Variants in NMT1 observed in about 807,000 individuals in gnomAD.
The protein encoded by NMT1 is N-myristoyltransferase 1.
NMT1 carries 12 observed loss-of-function variants against 63.4 expected under a neutral mutation model. The ratio of observed to expected loss-of-function variants is 0.19; its 90% CI spans 0.12 to 0.31. The LOEUF is 0.31. NMT1 is among the 10% of genes least tolerant of loss of function. The pLI is 1.00. For synonymous variants in NMT1, 228 were observed against 234.3 expected, an observed-to-expected ratio of 0.97 and a Z score of 0.25; for missense variants, 432 against 634.6, an observed-to-expected ratio of 0.68 and a Z score of 3.43.
intron 3 of NMT1, among the ~76,000 whole-genome samples, chr17:45,089,211 C>T (rs1479780638): frequency 6.6e-6 from 1 of 151,974 alleles, no homozygotes; most frequent in Non-Finnish European, 1.5e-5. Flanking sequence ...ATTTTTTTTT[C>T]ACTTAATTGG....
At chr17:45,088,978 C>T (rs2054071715) in intron 3 of NMT1, among the ~76,000 whole-genome samples, 1 of 152,214 alleles carries the variant, frequency 6.6e-6, no homozygotes, top group African/African-American at 2.4e-5. Context: ...GCTTTGCCTT[C>T]TGTGCAGTGT....
At position 45,105,161 on chromosome 17, in the gene NMT1, C is replaced by T. The variant is rs1311965245; in HGVS notation, c.1470+165C>T. 6.6e-6 allele frequency among the ~76,000 whole-genome samples: 1 copy of T among 152,182 alleles called. No homozygotes were observed. Among genetic ancestry groups the T allele is most frequent in the Non-Finnish European group, 1.5e-5 (1 of 68,038 alleles). Reference sequence around the variant, plus strand: ...TCTGCTGGCCAGACCAGCAGGTCAGCGTTCCCCTCTCAGCAACTGGTGTGA... The same window carrying T: ...TCTGCTGGCCAGACCAGCAGGTCAGTGTTCCCCTCTCAGCAACTGGTGTGA... On this transcript the variant is annotated intron_variant, in intron 11 of 11. Transcript: ENST00000258960. The surrounding 1 kb of genome is among the most constrained non-coding windows in gnomAD (Gnocchi z 4.2).
At position 45,096,118 on chromosome 17, in the gene NMT1, C is replaced by G. The variant is rs1840533418; in HGVS notation, c.505-76C>G. 5.4e-6 allele frequency: 6 copies of G among 1,104,220 alleles called. No homozygotes were observed. The Admixed American group carries it at 1.0e-4, about 19-fold the overall frequency. 68.4% of individuals were successfully genotyped at this position (1,104,220 alleles called of 1,614,324 possible). On this transcript the variant is annotated intron_variant, in intron 4 of 11. Transcript: ENST00000258960. The stretch of plus-strand genomic sequence containing the variant: ...TAGTTTGCTTCATCCTTCTGAAAAG[C>G]CTAGAGCCCCAGGGTATTGGAGTTG...
chr17:45,061,637 T>A, intron 1 of NMT1, 177 bp downstream of exon 1: 3 of 589,472 alleles, frequency 5.1e-6, no homozygotes, highest in Non-Finnish European at 9.0e-6. Context: ...GGGTGGGTGC[T>A]CTGGATATTA....
chr17:45,072,792 G>A (rs923314246), intron 1 of NMT1, among the ~76,000 whole-genome samples: 3 of 133,712 alleles, frequency 2.2e-5, no homozygotes, highest in South Asian at 2.4e-4. Flanking sequence ...ATCTCCTGAC[G>A]TCGTGATCCA....
intron 1 of NMT1, among the ~76,000 whole-genome samples, chr17:45,062,187 C>G (rs763272218): frequency 3.3e-5 from 5 of 152,196 alleles, no homozygotes; most frequent in Non-Finnish European, 4.4e-5. Context: ...ACTGCCTATC[C>G]TGTACTTTAG....
At position 45,093,796 on chromosome 17, in the gene NMT1, G is replaced by C. The variant is rs748432196; in HGVS notation, c.497G>C (p.Arg166Pro). The C allele has an allele frequency of 7.4e-6, 12 of 1,613,848 alleles. No homozygotes were observed. Among genetic ancestry groups the C allele is most frequent in the Non-Finnish European group, 9.3e-6 (11 of 1,179,704 alleles). The change falls in exon 4 of 12, where the codon CGT (arginine) becomes CCT (proline). Residue 166 changes from arginine (R) to proline (P), a missense_variant. This residue lies in a region of NMT1 where 295 missense variants were observed against 489.7 expected (regional missense o/e 0.60). Transcript: ENST00000258960. Reference sequence around the variant, plus strand: ...TGGGATGCTTTGGACCTGGGCGATCGTGGTGTGGTGAGTGGGCCCTCAGAA... The same window carrying C: ...TGGGATGCTTTGGACCTGGGCGATCCTGGTGTGGTGAGTGGGCCCTCAGAA... ...FTWDALDLGD[R>P]GVLKELYTLL...
chr17:45,062,023 A>C (rs926029694), intron 1 of NMT1: 1 of 152,318 alleles, frequency 6.6e-6, no homozygotes, highest in Non-Finnish European at 1.5e-5. Context: ...CATAGTTTCC[A>C]TTGCTCCAAA....
chr17:45,097,013 A>G (rs1598017080), intron 5 of NMT1, 115 bp from the exon 6 acceptor site: 7 of 744,718 alleles, frequency 9.4e-6, no homozygotes, highest in East Asian at 7.4e-5. Context: ...GAATCCAGCT[A>G]TTAACCCTCA....
rs2054191936 is a variant in NMT1, at chr17:45,104,734, G to A, written c.1333-125G>A. 5 of 1,510,026 alleles carry A rather than the reference G, an allele frequency of 3.3e-6. No individual in the cohort carries two copies. In the African/African-American group the frequency reaches 4.2e-5, roughly 13 times the overall value. 93.5% of individuals were successfully genotyped at this position (1,510,026 alleles called of 1,614,324 possible). A position where few individuals can be genotyped will look rare whatever the true frequency, so the allele number is the denominator to read the frequency against. ...CGGGGATTAACGTGGAAGCAGCGGA[G>A]CTTCTGAGGGAACCTTGTTCTTGTG... On this transcript the variant is annotated intron_variant, in intron 10 of 11. Coordinates refer to ENST00000258960, the MANE Select transcript of NMT1 (RefSeq NM_021079.5). The surrounding 1 kb of genome is among the most constrained non-coding windows in gnomAD (Gnocchi z 4.2).
chr17:45,104,710 G>A lies in NMT1; in HGVS notation c.1333-149G>A, dbSNP rs554177770. 72 of 1,465,360 alleles carry A rather than the reference G, an allele frequency of 4.9e-5. No homozygotes were observed. The African/African-American group carries it at 9.2e-4, about 19-fold the overall frequency. The allele number at this position is 1,465,360 out of a possible 1,614,324, so 90.8% of individuals were successfully genotyped here. A position where few individuals can be genotyped will look rare whatever the true frequency, so the allele number is the denominator to read the frequency against. On this transcript the variant is annotated intron_variant, in intron 10 of 11. Coordinates refer to ENST00000258960, the MANE Select transcript of NMT1 (RefSeq NM_021079.5). This position sits in a 1 kb window ranked among gnomAD's most constrained non-coding sequence, Gnocchi z 4.2. The stretch of plus-strand genomic sequence containing the variant: ...GTGTCCTGAGAACCACCCGGAGAGC[G>A]GGGATTAACGTGGAAGCAGCGGAGC...
intron 6 of NMT1, 73 bp downstream of exon 6, chr17:45,097,317 G>T: frequency 8.7e-7 from 1 of 1,152,744 alleles, no homozygotes; most frequent in Non-Finnish European, 1.3e-6. Context: ...GTAGAAAAAG[G>T]CTGCACAATG....
intron 1 of NMT1, among the ~76,000 whole-genome samples, chr17:45,063,059 G>T (rs1373278055): frequency 6.6e-6 from 1 of 151,908 alleles, no homozygotes; most frequent in Non-Finnish European, 1.5e-5. Context: ...AAAAAATTTA[G>T]CCGGGCGTGG....
At chr17:45,070,935 T>C (rs1448346706) in intron 1 of NMT1, among the ~76,000 whole-genome samples, 1 of 152,180 alleles carries the variant, frequency 6.6e-6, no homozygotes, top group Non-Finnish European at 1.5e-5. Flanking sequence ...TATAACTAAT[T>C]GGTGGGAATG....
Position 45,096,290 on chromosome 17 carries a change from G to T in NMT1, c.596+5G>T. ...TTCCCCGGAGTTTCTTTTGTGGTAA[G>T]TTGTGGGGGCTTTCTTGAGGTTCTT... On this transcript the variant is annotated splice_donor_5th_base_variant and intron_variant, in intron 5 of 11. Transcript: ENST00000258960. The T allele has an allele frequency of 6.2e-7, 1 of 1,611,298 alleles. No homozygotes were observed. The highest frequency in any genetic ancestry group is 8.5e-7 in the Non-Finnish European group (1 of 1,177,366).
chr17:45,094,273 T>C (rs1440605705), intron 4 of NMT1, among the ~76,000 whole-genome samples: 1 of 151,810 alleles, frequency 6.6e-6, no homozygotes, highest in Non-Finnish European at 1.5e-5. Context: ...GGCAGGCGGA[T>C]CATGAGGTCA....
intron 3 of NMT1, among the ~76,000 whole-genome samples, chr17:45,091,999 C>T (rs1309155825): frequency 6.6e-6 from 1 of 152,130 alleles, no homozygotes; most frequent in African/African-American, 2.4e-5. Flanking sequence ...CCAGCCTGGG[C>T]AACAGAGCAA....
At chr17:45,086,366 C>G in intron 2 of NMT1, 142 bp from the exon 3 acceptor site, 1 of 745,568 alleles carries the variant, frequency 1.3e-6, no homozygotes, top group Non-Finnish European at 2.0e-6. Flanking sequence ...CTCAAGTGAT[C>G]TGCCCGCCTT....
chr17:45,094,021 G>A (rs370730284), intron 4 of NMT1, among the ~76,000 whole-genome samples: 7 of 152,212 alleles, frequency 4.6e-5, no homozygotes, highest in African/African-American at 1.4e-4. Context: ...GTAGGTCCCC[G>A]ATGTGGATAC....
Sources: gnomAD v4.1 joint callset for allele counts (sites outside exome capture counted in the v4.1 genomes callset) on GRCh38, gnomAD v4.1.1 for gene constraint, gnomAD v4.1.1 regional missense constraint, Gnocchi (gnomAD v3.1) non-coding constraint, MANE v1.5 for transcripts, NCBI Gene and HGNC (gene_info 2026-07-23, HGNC 2026-07-21) for gene names.